Variants in VMP1 observed in about 807,000 individuals in gnomAD.
The protein encoded by VMP1 is vacuole membrane protein 1.
Under a neutral mutation model 56.0 loss-of-function variants are expected in VMP1, and 11 were observed. The observed-to-expected ratio is 0.20, with a 90% CI of 0.12 to 0.32. The LOEUF (loss-of-function observed/expected upper bound fraction) is 0.32. VMP1 is among the 10% of genes least tolerant of loss of function. The pLI, the probability that VMP1 is intolerant of heterozygous loss-of-function variation, is 1.00. For missense variants in VMP1, 296 were observed against 490.3 expected (o/e 0.60, Z 3.74); for synonymous variants, 149 against 165.0 (o/e 0.90, Z 0.74).
rs928634300 is a variant in VMP1 at position 59,841,559 on chromosome 17, A to T, written c.*1648A>T. On this transcript the variant is annotated 3_prime_UTR_variant, in exon 12 of 12. Coordinates refer to ENST00000262291, the MANE Select transcript of VMP1 (RefSeq NM_030938.5). ...AAACTAAGCTGCATTGTGGGTTTTG[A>T]AAAGGTTATTATACTTCTTAACAAT... The T allele has an allele frequency of 8.4e-5, 17 of 201,234 alleles. No homozygotes were observed. Among genetic ancestry groups the T allele is most frequent in the Non-Finnish European group, 5.5e-5 (5 of 91,390 alleles). 12.5% of individuals were successfully genotyped at this position (201,234 alleles called of 1,614,324 possible).
At chr17:59,735,543 C>G in intron 3 of VMP1, 70 bp downstream of exon 3, 1 of 1,547,282 alleles carries the variant, frequency 6.5e-7, no homozygotes, top group Admixed American at 1.8e-5. Context: ...TCAGTAATCT[C>G]TTACTTTCTG....
At chr17:59,742,874 C>A (rs140673452) in intron 5 of VMP1, among the ~76,000 whole-genome samples, 34 of 152,256 alleles carry the variant, frequency 2.2e-4, no homozygotes, top group African/African-American at 6.7e-4. Flanking sequence ...AGCTTGCATG[C>A]TCTTTATGAA....
In VMP1 at chr17:59,817,788, A is replaced by G; in HGVS notation, c.974+15A>G. The G allele has an allele frequency of 6.3e-7, 1 of 1,587,392 alleles. No homozygotes were observed. Among genetic ancestry groups the G allele is most frequent in the Non-Finnish European group, 8.6e-7 (1 of 1,160,926 alleles). On this transcript the variant is annotated intron_variant, in intron 10 of 11. Transcript: ENST00000262291. ...GCTTTCATTGGGTAAGTAATTCTTC[A>G]AGGACTAATATTAATATAATTACTC...
intron 7 of VMP1, among the ~76,000 whole-genome samples, chr17:59,775,944 T>A (rs1279477213): frequency 1.3e-5 from 2 of 152,144 alleles, no homozygotes; most frequent in African/African-American, 4.8e-5. Flanking sequence ...ATAGGCTTTT[T>A]AAAAATGCAT....
chr17:59,752,576 C>G (rs887253448), intron 5 of VMP1, among the ~76,000 whole-genome samples: 2 of 152,080 alleles, frequency 1.3e-5, no homozygotes, highest in African/African-American at 4.8e-5. Flanking sequence ...AAAGAAAAAG[C>G]TTTTTTGAAG....
chr17:59,722,054 TGAGTCCTTATTA>T (rs2034420321), intron 1 of VMP1, among the ~76,000 whole-genome samples: 1 of 152,188 alleles, frequency 6.6e-6, no homozygotes, highest in African/African-American at 2.4e-5. Context: ...AATAAGGACG[TGAGTCCTTATTA>T]GAGTACCACC....
At position 59,738,906 on chromosome 17, in the gene VMP1, G is replaced by C. The variant is rs1190259276; in HGVS notation, c.373G>C (p.Val125Leu). 3 of 1,613,032 alleles carry C rather than the reference G, an allele frequency of 1.9e-6. No homozygotes were observed. Among genetic ancestry groups the C allele is most frequent in the South Asian group, 1.1e-5 (1 of 90,914 alleles). ...YWIGLGILSS[V>L]GLGTGLHTFL... is the part of the protein sequence containing the mutation. The stretch of plus-strand genomic sequence containing the variant: ...GATAGGCTTAGGAATTTTGTCTTCT[G>C]TTGGGCTTGGAACAGGGCTGCACAC... Residue 125 changes from valine to leucine, a missense_variant, in exon 5 of 12, where the codon GTT becomes CTT. Physicochemically the swap from Val to Leu is conservative, Grantham distance 32. This residue lies in a region of VMP1 where 126 missense variants were observed against 231.6 expected (regional missense o/e 0.54). Coordinates refer to ENST00000262291, the MANE Select transcript of VMP1 (RefSeq NM_030938.5).
chr17:59,829,009 A>G (rs1012539754), intron 10 of VMP1, among the ~76,000 whole-genome samples: 3 of 152,088 alleles, frequency 2.0e-5, no homozygotes, highest in Admixed American at 6.5e-5. Context: ...CCAGCTACTC[A>G]GGGGGTTGAG....
At chr17:59,757,134 C>T (rs1598347179) in intron 5 of VMP1, among the ~76,000 whole-genome samples, 1 of 152,162 alleles carries the variant, frequency 6.6e-6, no homozygotes, top group Admixed American at 6.5e-5. Context: ...TACTATGACC[C>T]TAATTAGTGT....
At chr17:59,776,049 C>T (rs963063064) in intron 7 of VMP1, among the ~76,000 whole-genome samples, 5 of 151,836 alleles carry the variant, frequency 3.3e-5, no homozygotes, top group African/African-American at 1.2e-4. Context: ...CTCATCTCTA[C>T]AAAAAATGAA....
At chr17:59,725,281 A>G (rs1483589639) in intron 1 of VMP1, among the ~76,000 whole-genome samples, 1 of 152,174 alleles carries the variant, frequency 6.6e-6, no homozygotes, top group African/African-American at 2.4e-5. Flanking sequence ...AGCTTCTTAG[A>G]CAGATCATAA....
intron 6 of VMP1, among the ~76,000 whole-genome samples, chr17:59,771,190 TG>T (rs1484424611): frequency 3.3e-5 from 5 of 151,208 alleles, no homozygotes; most frequent in Non-Finnish European, 4.4e-5. Context: ...AATTATTAAC[TG>T]GAGACAGGGT....
intron 6 of VMP1, 120 bp downstream of exon 6, chr17:59,765,258 G>C: frequency 8.5e-7 from 1 of 1,176,256 alleles, no homozygotes; most frequent in Non-Finnish European, 1.2e-6. Flanking sequence ...TCAGTAACCA[G>C]CTACCTACTT....
chr17:59,798,495 C>G (rs963659667), intron 7 of VMP1, among the ~76,000 whole-genome samples: 4 of 152,116 alleles, frequency 2.6e-5, no homozygotes, highest in African/African-American at 9.7e-5. Context: ...ACTTAGCAAC[C>G]CAGAGCCAAT....
rs71145573 is a variant in VMP1 at position 59,801,112 on chromosome 17, ATGTG to A, written c.715-7650_715-7647del. 9.3e-3 allele frequency among the ~76,000 whole-genome samples: 1,027 copies of A among 110,272 alleles called. 15 individuals are homozygous for A. The highest frequency in any genetic ancestry group is 0.015 in the South Asian group (55 of 3,612). The allele number at this position is 110,272 out of a possible 152,430, so 72.3% of individuals were successfully genotyped here. A position where few individuals can be genotyped will look rare whatever the true frequency, so the allele number is the denominator to read the frequency against. On this transcript the variant is annotated intron_variant, in intron 7 of 11. Coordinates refer to ENST00000262291, the MANE Select transcript of VMP1 (RefSeq NM_030938.5). ...AAAAAATATATATATATATATATAT[ATGTG>A]TGTGTGTGTGTGTGTGTGTGTGTGT...
intron 1 of VMP1, among the ~76,000 whole-genome samples, chr17:59,721,092 T>C (rs1276692986): frequency 6.6e-6 from 1 of 152,102 alleles, no homozygotes; most frequent in Non-Finnish European, 1.5e-5. Context: ...ACACCTGTAA[T>C]CCCAGCACTT....
At chr17:59,795,304 A>G (rs964288672) in intron 7 of VMP1, among the ~76,000 whole-genome samples, 1 of 150,134 alleles carries the variant, frequency 6.7e-6, no homozygotes. Flanking sequence ...GAGATGGGGT[A>G]TGGGGTTTCA....
At chr17:59,802,809 C>T (rs2037719671) in intron 7 of VMP1, among the ~76,000 whole-genome samples, 1 of 152,314 alleles carries the variant, frequency 6.6e-6, no homozygotes, top group African/African-American at 2.4e-5. Flanking sequence ...TGCAATGGCA[C>T]GATCTCGGCT....
At chr17:59,719,405 G>A (rs1445259089) in intron 1 of VMP1, among the ~76,000 whole-genome samples, 2 of 152,086 alleles carry the variant, frequency 1.3e-5, no homozygotes, top group African/African-American at 4.8e-5. Context: ...ATCTTTGTGT[G>A]CCTTGTATGA....
Sources: allele counts gnomAD v4.1 joint callset (sites outside exome capture counted in the v4.1 genomes callset), GRCh38; gene constraint gnomAD v4.1.1; regional missense constraint gnomAD v4.1.1; transcripts MANE v1.5; gene names NCBI Gene and HGNC (gene_info 2026-07-23, HGNC 2026-07-21).